The following STK32B variants were observed in gnomAD, a reference collection of about 807,000 sequenced individuals.
The protein encoded by STK32B is serine/threonine-protein kinase 32B.
A neutral mutation model predicts 52.6 loss-of-function variants in STK32B; 43 were observed. The observed-to-expected ratio is 0.82, with a 90% CI of 0.64 to 1.05. STK32B has a LOEUF of 1.05. Ranked by LOEUF, STK32B falls within the 50% of genes least tolerant of loss-of-function variation. The probability of loss-of-function intolerance (pLI) is 0.00; values close to 1 mark genes in which losing one functional copy is unlikely to be tolerated. For missense variants in STK32B, 621 were observed against 534.6 expected, an observed-to-expected ratio of 1.16 and a Z score of -1.59; for synonymous variants, 238 against 204.3, an observed-to-expected ratio of 1.17 and a Z score of -1.41.
At chr4:5,039,136 G>T in the STK32B span, among the ~76,000 whole-genome samples, 5 of 151,890 alleles carry the variant, frequency 3.3e-5, no homozygotes, top group African/African-American at 1.2e-4. Flanking sequence ...GCAGGCATAT[G>T]CCATCATGCC....
the STK32B span, among the ~76,000 whole-genome samples, chr4:5,021,157 G>C: frequency 1.3e-5 from 2 of 152,152 alleles, no homozygotes; most frequent in East Asian, 1.9e-4. Context: ...ATCCCTTCTC[G>C]ACCTGGCCTC....
At chr4:5,332,247 C>T (rs754340063) in intron 4 of STK32B, among the ~76,000 whole-genome samples, 3 of 152,104 alleles carry the variant, frequency 2.0e-5, no homozygotes, top group Non-Finnish European at 4.4e-5. Flanking sequence ...ATAGGGAACA[C>T]TGAAAGGGGA....
chr4:5,170,461 C>T (rs961043114), intron 3 of STK32B, among the ~76,000 whole-genome samples: 5 of 151,642 alleles, frequency 3.3e-5, no homozygotes, highest in Non-Finnish European at 7.4e-5. Flanking sequence ...GCTCCCCCGT[C>T]CCCCCACCCC....
intron 3 of STK32B, among the ~76,000 whole-genome samples, chr4:5,181,329 G>GAC (rs751590603): frequency 0.093 from 12,862 of 137,936 alleles, 813 homozygotes; most frequent in African/African-American, 0.19. Context: ...TGGAGAGTGA[G>GAC]ACACACACAC....
intron 3 of STK32B, among the ~76,000 whole-genome samples, chr4:5,317,234 CATATATATATTAT>C (rs1383615876): frequency 3.4e-4 from 12 of 34,926 alleles, no homozygotes; most frequent in Non-Finnish European, 4.3e-4. Context: ...TTATATATAA[CATATATATATTAT>C]ATATAACATA....
At chr4:5,159,493 A>AAT (rs369551371) in intron 2 of STK32B, among the ~76,000 whole-genome samples, 6 of 138,430 alleles carry the variant, frequency 4.3e-5, no homozygotes, top group African/African-American at 1.4e-4. Context: ...AATACATATG[A>AAT]ATATATATAT....
intron 1 of STK32B, among the ~76,000 whole-genome samples, chr4:5,120,579 G>T (rs1053871519): frequency 3.9e-5 from 6 of 152,122 alleles, no homozygotes; most frequent in Admixed American, 3.3e-4. Context: ...AAAGTTTCAG[G>T]CATCCAGTGG....
intron 1 of STK32B, among the ~76,000 whole-genome samples, chr4:5,085,803 C>T (rs1222063465): frequency 2.0e-5 from 3 of 152,166 alleles, no homozygotes; most frequent in African/African-American, 7.2e-5. Flanking sequence ...TTAACTTACC[C>T]TAGTCTCATT....
At chr4:5,205,748 G>T (rs1357706894) in intron 3 of STK32B, among the ~76,000 whole-genome samples, 1 of 151,070 alleles carries the variant, frequency 6.6e-6, no homozygotes, top group African/African-American at 2.4e-5. Flanking sequence ...AGGATTGTTT[G>T]AACTGTGTAA....
intron 4 of STK32B, among the ~76,000 whole-genome samples, chr4:5,393,809 C>G (rs531501309): frequency 6.6e-6 from 1 of 152,222 alleles, no homozygotes; most frequent in South Asian, 2.1e-4. Context: ...TATCACTCAC[C>G]CAGGGCAGCG....
At chr4:5,122,753 A>T (rs539733219) in intron 1 of STK32B, among the ~76,000 whole-genome samples, 1 of 152,160 alleles carries the variant, frequency 6.6e-6, no homozygotes, top group Non-Finnish European at 1.5e-5. Flanking sequence ...CCTGGCTCTC[A>T]TTGAGGTTGC....
chr4:5,186,813 C>G (rs373133390), intron 3 of STK32B, among the ~76,000 whole-genome samples: 9 of 152,180 alleles, frequency 5.9e-5, no homozygotes, highest in African/African-American at 2.2e-4. Context: ...CTTGACTGTT[C>G]CAGCATTTGT....
chr4:5,244,553 G>C (rs978152888), intron 3 of STK32B, among the ~76,000 whole-genome samples: 7 of 152,072 alleles, frequency 4.6e-5, no homozygotes, highest in Non-Finnish European at 7.4e-5. Context: ...ATTATTTGAA[G>C]GGTTTTTTGT....
intron 1 of STK32B, among the ~76,000 whole-genome samples, chr4:5,107,468 G>A (rs1169268957): frequency 1.3e-5 from 2 of 152,112 alleles, no homozygotes; most frequent in Non-Finnish European, 2.9e-5. Context: ...AAAAGTGTGG[G>A]GACCACTGTG....
intron 3 of STK32B, among the ~76,000 whole-genome samples, chr4:5,306,849 C>T (rs2887540): frequency 7.8e-6 from 1 of 128,508 alleles, no homozygotes; most frequent in Non-Finnish European, 1.6e-5. Context: ...GGCAAATTCT[C>T]TCAGCATTTG....
chr4:5,210,773 G>C (rs1577197772), intron 3 of STK32B, among the ~76,000 whole-genome samples: 1 of 151,752 alleles, frequency 6.6e-6, no homozygotes, highest in Non-Finnish European at 1.5e-5. Context: ...AAATATTGGT[G>C]AAGTAAATTA....
At chr4:5,110,776 C>T (rs370898048) in intron 1 of STK32B, among the ~76,000 whole-genome samples, 108 of 151,972 alleles carry the variant, frequency 7.1e-4, no homozygotes, top group African/African-American at 2.6e-3. Flanking sequence ...CTTAATTAAA[C>T]TAAAAAGCTT....
chr4:5,119,580 G>C (rs1714915931), intron 1 of STK32B, among the ~76,000 whole-genome samples: 1 of 152,176 alleles, frequency 6.6e-6, no homozygotes, highest in African/African-American at 2.4e-5. Context: ...TGTTCTCAAG[G>C]TTTATCTCCT....
chr4:5,361,393 G>T (rs1355000800), intron 4 of STK32B, among the ~76,000 whole-genome samples: 4 of 151,976 alleles, frequency 2.6e-5, no homozygotes, highest in African/African-American at 9.7e-5. Context: ...TTTTATTTTT[G>T]ATTTTATTTA....
Sources: gnomAD v4.1 joint callset for allele counts (sites outside exome capture counted in the v4.1 genomes callset) on GRCh38, gnomAD v4.1.1 for gene constraint, MANE v1.5 for transcripts, NCBI Gene and HGNC (gene_info 2026-07-23, HGNC 2026-07-21) for gene names.